VSIG10: variants seen among roughly 807,000 people sequenced by gnomAD.
VSIG10 encodes V-set and immunoglobulin domain-containing protein 10.
In VSIG10, 48 loss-of-function variants were observed where a neutral mutation model predicts 58.7. The ratio of observed to expected loss-of-function variants is 0.82; its 90% confidence interval spans 0.65 to 1.04. The LOEUF (loss-of-function observed/expected upper bound fraction) is 1.04, where lower values mean the gene tolerates loss of function less well. Among genes scored for constraint, VSIG10 ranks in the 50% least tolerant of loss-of-function variants. The pLI is 0.00. For missense variants in VSIG10, 628 were observed against 670.0 expected, an observed-to-expected ratio of 0.94 and a Z score of 0.69; for synonymous variants, 260 against 267.1, an observed-to-expected ratio of 0.97 and a Z score of 0.26.
chr12:118,066,976 G>A (rs886323029), intron 8 of VSIG10, among the ~76,000 whole-genome samples: 6 of 151,938 alleles, frequency 3.9e-5, no homozygotes, highest in South Asian at 2.1e-4. Context: ...CAACTCAGCC[G>A]TCTTAACGCC....
intron 4 of VSIG10, among the ~76,000 whole-genome samples, chr12:118,076,487 C>A (rs974305845): frequency 3.3e-5 from 5 of 151,358 alleles, no homozygotes; most frequent in South Asian, 4.2e-4. Flanking sequence ...TACAATTCAA[C>A]ATGAGATTTG....
intron 4 of VSIG10, 133 bp downstream of exon 4, chr12:118,079,213 A>T: frequency 7.7e-7 from 1 of 1,296,106 alleles, no homozygotes; most frequent in Non-Finnish European, 1.0e-6. Context: ...AGAAAAAGAA[A>T]GGGAGAAAGG....
Position 118,095,817 on chromosome 12 carries a change from G to A in VSIG10, c.80-3C>T. On this transcript the variant is annotated splice_polypyrimidine_tract_variant and splice_region_variant and intron_variant, in intron 1 of 8. Transcript: ENST00000359236. ...TCCAATGACAACAGCCTCCAATCCT[G>A]TACAAGGCAAGATCAGGCTGTTACT... The A allele has an allele frequency of 1.2e-6, 2 of 1,603,776 alleles. No individual in the cohort carries two copies. The highest frequency in any genetic ancestry group is 1.7e-6 in the Non-Finnish European group (2 of 1,174,940).
chr12:118,095,923 C>A, intron 1 of VSIG10, 109 bp from the exon 2 acceptor site: 386 of 757,484 alleles, frequency 5.1e-4, no homozygotes, highest in Middle Eastern at 8.7e-4. Context: ...GGTATATGTT[C>A]TTTTTTTTTT....
At position 118,095,641 on chromosome 12, in the gene VSIG10, C is replaced by T; in HGVS notation, c.253G>A (p.Ala85Thr). ...AGCGATTCAATGTGCAGGGAGGTGGCATCCACTAGAGAGAAGCGAGGCTCA... is the reference window on the plus strand; with the variant it reads ...AGCGATTCAATGTGCAGGGAGGTGGTATCCACTAGAGAGAAGCGAGGCTCA... ...PAEPRFSLVD[A>T]TSLHIESLSL... Residue 85 changes from alanine (A) to threonine (T), a missense_variant, in exon 2 of 9, where the codon GCC (alanine) becomes ACC (threonine). Transcript: ENST00000359236. 6.2e-7 allele frequency: 1 copy of T among 1,613,944 alleles called. No homozygotes were observed. The highest frequency in any genetic ancestry group is 1.1e-5 in the South Asian group (1 of 91,080).
chr12:118,089,022 A>G (rs965207308), intron 2 of VSIG10, among the ~76,000 whole-genome samples: 2 of 148,244 alleles, frequency 1.3e-5, no homozygotes, highest in East Asian at 2.0e-4. Flanking sequence ...ATCTCGGCTC[A>G]CTGCAACCTC....
At chr12:118,088,169 CG>C (rs1216233987) in intron 2 of VSIG10, among the ~76,000 whole-genome samples, 2 of 148,216 alleles carry the variant, frequency 1.3e-5, no homozygotes, top group Admixed American at 6.8e-5. Flanking sequence ...CACCTGAACC[CG>C]GGAGGCGGAG....
chr12:118,075,491 G>T (rs2032691156), intron 4 of VSIG10, among the ~76,000 whole-genome samples: 1 of 152,060 alleles, frequency 6.6e-6, no homozygotes, highest in African/African-American at 2.4e-5. Context: ...AAGTAGCTGG[G>T]ATTACAGGTG....
chr12:118,089,318 T>C (rs2033227235), intron 2 of VSIG10, among the ~76,000 whole-genome samples: 3 of 152,192 alleles, frequency 2.0e-5, no homozygotes. Flanking sequence ...TTTATCTCCC[T>C]ACAGGGCAAT....
rs1290118186 is a variant in VSIG10, at chr12:118,068,437, C to T, written c.1507G>A (p.Val503Met). 1 of 1,613,860 alleles carries T rather than the reference C, an allele frequency of 6.2e-7. No homozygotes were observed. Among genetic ancestry groups the T allele is most frequent in the South Asian group, 1.1e-5 (1 of 91,076 alleles). ...EIPKQDHIHR[V>M]TALVNGNIEQ... is the part of the protein sequence containing the mutation. ...ATGTTCCCATTCACCAAGGCGGTCA[C>T]TCTGTGAATGTGGTCCTGCTTAGGT... Residue 503 changes from valine to methionine, a missense_variant, in exon 8 of 9, where the codon GTG becomes ATG. Transcript: ENST00000359236.
At chr12:118,091,039 G>C (rs1409632980) in intron 2 of VSIG10, among the ~76,000 whole-genome samples, 1 of 152,102 alleles carries the variant, frequency 6.6e-6, no homozygotes, top group East Asian at 1.9e-4. Flanking sequence ...GGTGGCTGAG[G>C]CATGAGAATC....
intron 7 of VSIG10, among the ~76,000 whole-genome samples, chr12:118,069,841 G>C (rs929767679): frequency 1.9e-4 from 29 of 152,276 alleles, no homozygotes; most frequent in African/African-American, 6.7e-4. Flanking sequence ...AACAAATCAG[G>C]AGACTAAGGC....
At chr12:118,095,447 C>A in intron 2 of VSIG10, 86 bp downstream of exon 2, 1 of 1,543,428 alleles carries the variant, frequency 6.5e-7, no homozygotes, top group Non-Finnish European at 8.8e-7. Flanking sequence ...CCATCCGAAC[C>A]CAAAACCCAT....
At chr12:118,082,017 TAA>T (rs11413291) in intron 3 of VSIG10, 108 bp downstream of exon 3, 37,087 of 832,854 alleles carry the variant, frequency 0.045, 175 homozygotes, top group African/African-American at 0.11. Context: ...AACTCCATCT[TAA>T]AAAAAAAAAA....
rs762919126 is a variant in VSIG10 at position 118,082,934 on chromosome 12, G to A, written c.362-505C>T. 8.0e-5 allele frequency among the ~76,000 whole-genome samples: 12 copies of A among 149,242 alleles called. No individual in the cohort carries two copies. In the South Asian group the frequency reaches 1.5e-3, roughly 19 times the overall value. On this transcript the variant is annotated intron_variant, in intron 2 of 8. Transcript: ENST00000359236. Reference sequence around the variant, plus strand: ...TCAAGACCAGCCTGGCCAACATGACGAAACCCTGTCTCTACTAAAAATACA... The same window carrying A: ...TCAAGACCAGCCTGGCCAACATGACAAAACCCTGTCTCTACTAAAAATACA...
rs1470440284 is a variant in VSIG10 at position 118,086,113 on chromosome 12, G to A, written c.362-3684C>T. Among the ~76,000 whole-genome samples the A allele has an allele frequency of 2.7e-5, 4 of 149,930 alleles. No individual in the cohort carries two copies. In the South Asian group the frequency reaches 6.4e-4, roughly 24 times the overall value. On this transcript the variant is annotated intron_variant, in intron 2 of 8. Coordinates refer to ENST00000359236, the MANE Select transcript of VSIG10 (RefSeq NM_019086.6). ...GCAGAGGTTGCAGTGAGCTCAGATTGCACCACTGCACTCCAGCCTGGGCAA... is the reference window on the plus strand; with the variant it reads ...GCAGAGGTTGCAGTGAGCTCAGATTACACCACTGCACTCCAGCCTGGGCAA...
intron 6 of VSIG10, 40 bp downstream of exon 6, chr12:118,071,319 A>G (rs11613924): frequency 0.12 from 192,068 of 1,583,492 alleles, 12,384 homozygotes; most frequent in Admixed American, 0.22. Context: ...ACCTTTTCAA[A>G]AGTCTGGAAG....
Position 118,085,844 on chromosome 12 carries a change from C to A in VSIG10, c.362-3415G>T, listed in dbSNP as rs576041734. On this transcript the variant is annotated intron_variant, in intron 2 of 8. Coordinates refer to ENST00000359236, the MANE Select transcript of VSIG10 (RefSeq NM_019086.6). Reference sequence around the variant, plus strand: ...ACCACTCCTGGGCAACAGAGCGAGACTTCGTCTCAAAAAAAAAAAAAAAAA... The same window carrying A: ...ACCACTCCTGGGCAACAGAGCGAGAATTCGTCTCAAAAAAAAAAAAAAAAA... 3.4e-4 allele frequency among the ~76,000 whole-genome samples: 42 copies of A among 122,804 alleles called. 1 individual carries two copies. The highest frequency in any genetic ancestry group is 1.3e-3 in the African/African-American group (42 of 31,814). The allele number at this position is 122,804 out of a possible 152,430, so 80.6% of individuals were successfully genotyped here. A position where few individuals can be genotyped will look rare whatever the true frequency, so the allele number is the denominator to read the frequency against.
Position 118,065,307 on chromosome 12 carries a change from G to T in VSIG10, c.*1332C>A, listed in dbSNP as rs961138288. On this transcript the variant is annotated 3_prime_UTR_variant, in exon 9 of 9. Transcript: ENST00000359236. Reference sequence around the variant, plus strand: ...CTCCTGCCTTCTTTGAAAGCAACAGGAGAAATGAAGCATAGGAAAGTCTGC... The same window carrying T: ...CTCCTGCCTTCTTTGAAAGCAACAGTAGAAATGAAGCATAGGAAAGTCTGC... 5 of 152,232 alleles carry T rather than the reference G, an allele frequency of 3.3e-5. No individual in the cohort carries two copies. Among genetic ancestry groups the T allele is most frequent in the African/African-American group, 1.2e-4 (5 of 41,462 alleles). 9.4% of individuals were successfully genotyped at this position (152,232 alleles called of 1,614,324 possible).
Sources: gnomAD v4.1 joint callset for allele counts (sites outside exome capture counted in the v4.1 genomes callset) on GRCh38, gnomAD v4.1.1 for gene constraint, MANE v1.5 for transcripts, NCBI Gene and HGNC (gene_info 2026-07-23, HGNC 2026-07-21) for gene names.